Variants in TMEM132C observed in about 807,000 individuals in gnomAD.
The protein encoded by TMEM132C is protein phosphatase 1, regulatory subunit 152.
TMEM132C carries 29 observed loss-of-function variants against 61.4 expected under a neutral mutation model. The observed-to-expected ratio is 0.47, with a 90% CI of 0.35 to 0.64. The LOEUF (loss-of-function observed/expected upper bound fraction) is 0.64. Ranked by LOEUF, TMEM132C falls within the 30% of genes least tolerant of loss-of-function variation. The pLI, the probability that TMEM132C is intolerant of heterozygous loss-of-function variation, is 0.00. For missense variants in TMEM132C, 1,408 were observed against 1,476.9 expected, an observed-to-expected ratio of 0.95 and a Z score of 0.76; for synonymous variants, 656 against 633.1, an observed-to-expected ratio of 1.04 and a Z score of -0.54.
Position 128,415,687 on chromosome 12 carries a change from G to T in TMEM132C, c.974+67G>T. On this transcript the variant is annotated intron_variant, in intron 2 of 8. Transcript: ENST00000435159. The surrounding 1 kb of genome is among the most constrained non-coding windows in gnomAD (Gnocchi z 5.8). ...GGTGTGAGACTGGGTTCCATGCGTG[G>T]CAGATAGATATTCAGGAAGCATCGA... 7.0e-7 allele frequency: 1 copy of T among 1,435,688 alleles called. No individual in the cohort carries two copies. 88.9% of individuals were successfully genotyped at this position (1,435,688 alleles called of 1,614,324 possible).
At chr12:128,353,207 T>C (rs748511015) in intron 1 of TMEM132C, among the ~76,000 whole-genome samples, 13 of 152,138 alleles carry the variant, frequency 8.5e-5, no homozygotes, top group Admixed American at 3.9e-4. Flanking sequence ...TTATCAACAG[T>C]GAATAAAATC....
chr12:128,378,083 T>C (rs949546954), intron 1 of TMEM132C, among the ~76,000 whole-genome samples: 1 of 151,264 alleles, frequency 6.6e-6, no homozygotes, highest in Non-Finnish European at 1.5e-5. Context: ...TTTTAGAAGA[T>C]CACTTGGAGG....
intron 4 of TMEM132C, among the ~76,000 whole-genome samples, chr12:128,638,896 ATGG>A (rs1243175286): frequency 9.3e-5 from 10 of 107,988 alleles, no homozygotes; most frequent in East Asian, 2.5e-4. Context: ...GGTGGTGGTG[ATGG>A]TGGTGATGGT....
At chr12:128,588,387 A>G (rs1875627931) in intron 3 of TMEM132C, among the ~76,000 whole-genome samples, 1 of 152,202 alleles carries the variant, frequency 6.6e-6, no homozygotes, top group Admixed American at 6.5e-5. Context: ...AGCCAAGATC[A>G]CACCACTACA....
chr12:128,319,463 C>T (rs1872257299), intron 1 of TMEM132C, among the ~76,000 whole-genome samples: 2 of 151,868 alleles, frequency 1.3e-5, no homozygotes, highest in Admixed American at 1.3e-4. Flanking sequence ...GGACCCCTTG[C>T]CTTAGTCTTG....
intron 4 of TMEM132C, among the ~76,000 whole-genome samples, chr12:128,660,129 G>T (rs76116542): frequency 1.3e-5 from 2 of 152,136 alleles, no homozygotes; most frequent in Admixed American, 1.3e-4. Flanking sequence ...TGCTGCTGTC[G>T]ACACCAAAGG....
intron 3 of TMEM132C, among the ~76,000 whole-genome samples, chr12:128,548,897 G>C (rs1874056270): frequency 6.6e-6 from 1 of 152,210 alleles, no homozygotes. Flanking sequence ...ATGATTTAAA[G>C]TATGCAGGAG....
chr12:128,476,725 C>T (rs1320973937), intron 2 of TMEM132C, among the ~76,000 whole-genome samples: 2 of 152,186 alleles, frequency 1.3e-5, no homozygotes, highest in Admixed American at 6.5e-5. Context: ...GCAGAAAATA[C>T]TTGGGCCTCA....
intron 2 of TMEM132C, among the ~76,000 whole-genome samples, chr12:128,424,046 C>CAAAA (rs144980387): frequency 8.3e-5 from 6 of 72,720 alleles, no homozygotes; most frequent in East Asian, 4.4e-4. Flanking sequence ...GACTCTGTCT[C>CAAAA]AAAAAAAAAA....
intron 2 of TMEM132C, among the ~76,000 whole-genome samples, chr12:128,444,245 G>A (rs1167478244): frequency 6.6e-6 from 1 of 152,144 alleles, no homozygotes; most frequent in African/African-American, 2.4e-5. Flanking sequence ...CAAGTTCTTT[G>A]TAGCGTTCTC....
At chr12:128,465,103 A>T (rs1372863465) in intron 2 of TMEM132C, among the ~76,000 whole-genome samples, 1 of 152,038 alleles carries the variant, frequency 6.6e-6, no homozygotes, top group Non-Finnish European at 1.5e-5. Flanking sequence ...GCAGTGTCAG[A>T]GTTCTGTGTC....
At chr12:128,568,413 T>C (rs1009564429) in intron 3 of TMEM132C, among the ~76,000 whole-genome samples, 9 of 152,234 alleles carry the variant, frequency 5.9e-5, no homozygotes, top group African/African-American at 2.2e-4. Context: ...TTTACAATAC[T>C]GTCTCCAATA....
At chr12:128,336,466 A>G (rs1354154994) in intron 1 of TMEM132C, among the ~76,000 whole-genome samples, 4 of 152,310 alleles carry the variant, frequency 2.6e-5, no homozygotes, top group South Asian at 4.1e-4. Context: ...CTGGGACTCT[A>G]TATTTAAGCC....
chr12:128,548,349 A>G (rs1874036669), intron 3 of TMEM132C, among the ~76,000 whole-genome samples: 1 of 152,196 alleles, frequency 6.6e-6, no homozygotes, highest in Admixed American at 6.5e-5. Flanking sequence ...TTCATGCAAA[A>G]ATAAAATTTC....
At chr12:128,668,034 A>G (rs1954496483) in intron 4 of TMEM132C, among the ~76,000 whole-genome samples, 2 of 152,232 alleles carry the variant, frequency 1.3e-5, no homozygotes, top group Non-Finnish European at 2.9e-5. Flanking sequence ...GCACTTCGGG[A>G]GACTGAGGCA....
At chr12:128,522,851 G>A (rs2136128930) in intron 2 of TMEM132C, among the ~76,000 whole-genome samples, 1 of 152,180 alleles carries the variant, frequency 6.6e-6, no homozygotes. Flanking sequence ...CCCTAACCCA[G>A]ACTGTTAAAG....
At chr12:128,392,999 C>A (rs1565922484) in intron 1 of TMEM132C, among the ~76,000 whole-genome samples, 1 of 152,218 alleles carries the variant, frequency 6.6e-6, no homozygotes, top group Admixed American at 6.5e-5. Flanking sequence ...CAGTGCGAAT[C>A]TGCTAGTTAC....
chr12:128,610,168 A>C (rs911262134), intron 3 of TMEM132C, among the ~76,000 whole-genome samples: 17 of 152,220 alleles, frequency 1.1e-4, no homozygotes, highest in African/African-American at 4.1e-4. Flanking sequence ...TGAAATACTC[A>C]TGAGGTAGAA....
intron 2 of TMEM132C, among the ~76,000 whole-genome samples, chr12:128,490,289 T>C (rs1871672510): frequency 6.6e-6 from 1 of 152,146 alleles, no homozygotes; most frequent in Admixed American, 6.5e-5. Context: ...GTACCTGGCT[T>C]TTGTCGTAGG....
Sources: allele counts gnomAD v4.1 joint callset (sites outside exome capture counted in the v4.1 genomes callset), GRCh38; gene constraint gnomAD v4.1.1; non-coding constraint Gnocchi (gnomAD v3.1); transcripts MANE v1.5; gene names NCBI Gene and HGNC (gene_info 2026-07-23, HGNC 2026-07-21).